Variants in OR56A3 observed in about 807,000 individuals in gnomAD.
OR56A3 encodes olfactory receptor 56A3.
In OR56A3, 23 loss-of-function variants were observed where a neutral mutation model predicts 17.5. The observed-to-expected ratio is 1.32, with a 90% confidence interval of 0.95 to 1.87. The LOEUF is 1.87. Ranked by LOEUF, OR56A3 falls within the 40% of genes most tolerant of loss-of-function variation. The probability of loss-of-function intolerance (pLI) is 0.00; values close to 1 mark genes in which losing one functional copy is unlikely to be tolerated. For synonymous variants in OR56A3, 175 were observed against 150.6 expected (o/e 1.16, Z -1.19); for missense variants, 366 against 380.1 (o/e 0.96, Z 0.31).
the OR56A3 span, among the ~76,000 whole-genome samples, chr11:5,960,693 G>A: frequency 2.0e-5 from 3 of 152,230 alleles, no homozygotes; most frequent in South Asian, 2.1e-4. Flanking sequence ...CGTCTAGGAA[G>A]TGAGGAGCGT....
chr11:5,974,109 CT>C, the OR56A3 span, among the ~76,000 whole-genome samples: 72 of 141,764 alleles, frequency 5.1e-4, no homozygotes, highest in Middle Eastern at 3.6e-3. Flanking sequence ...TTATTAAACT[CT>C]TTTTTTTTTT....
the OR56A3 span, chr11:6,002,235 A>G: frequency 6.2e-7 from 1 of 1,613,982 alleles, no homozygotes; most frequent in Non-Finnish European, 8.5e-7. Context: ...TGTGCTGAAG[A>G]AGAGGATGAG....
the OR56A3 span, among the ~76,000 whole-genome samples, chr11:5,993,595 T>C: frequency 6.6e-6 from 1 of 152,168 alleles, no homozygotes; most frequent in Admixed American, 6.5e-5. Context: ...AGATACAAAT[T>C]GGCCCTTCCA....
At chr11:5,987,851 T>C in the OR56A3 span, among the ~76,000 whole-genome samples, 1 of 152,188 alleles carries the variant, frequency 6.6e-6, no homozygotes, top group Admixed American at 6.5e-5. Context: ...GCCTTTGCCA[T>C]AAACACCTTC....
At chr11:6,010,207 C>A in the OR56A3 span, among the ~76,000 whole-genome samples, 2 of 152,108 alleles carry the variant, frequency 1.3e-5, no homozygotes, top group East Asian at 3.8e-4. Context: ...TTCCAAAATT[C>A]TGATATCTAA....
chr11:5,978,928 G>A, the OR56A3 span, among the ~76,000 whole-genome samples: 1 of 152,056 alleles, frequency 6.6e-6, no homozygotes, highest in African/African-American at 2.4e-5. Context: ...AACACGAAGG[G>A]ATGTTGAATG....
At chr11:5,999,201 C>T in the OR56A3 span, among the ~76,000 whole-genome samples, 1 of 152,096 alleles carries the variant, frequency 6.6e-6, no homozygotes, top group Non-Finnish European at 1.5e-5. Flanking sequence ...ACAAAAATAA[C>T]TAGAGGGAAA....
the OR56A3 span, among the ~76,000 whole-genome samples, chr11:5,981,553 C>T: frequency 6.6e-6 from 1 of 152,128 alleles, no homozygotes; most frequent in Non-Finnish European, 1.5e-5. Flanking sequence ...TGTCTTTCAG[C>T]TCTTCTATCA....
chr11:5,947,960 C>G lies in OR56A3; in HGVS notation c.614C>G (p.Ala205Gly). The G allele has an allele frequency of 1.2e-6, 2 of 1,614,148 alleles. No homozygotes were observed. Among genetic ancestry groups the G allele is most frequent in the Non-Finnish European group, 8.5e-7 (1 of 1,180,020 alleles). Residue 205 changes from alanine to glycine, a missense_variant, in exon 3 of 3, where the codon GCT becomes GGT. Coordinates refer to ENST00000641160, the MANE Select transcript of OR56A3 (RefSeq NM_001003443.3). ...DVTINHLYQF[A>G]GGWTLLGSDL... The stretch of plus-strand genomic sequence containing the variant: ...ACCATCAATCACCTTTACCAATTTG[C>G]TGGAGGCTGGACTCTGCTAGGATCT...
chr11:5,958,997 A>T, the OR56A3 span, among the ~76,000 whole-genome samples: 81 of 152,354 alleles, frequency 5.3e-4, no homozygotes, highest in Non-Finnish European at 1.0e-3. Context: ...TTCATTAAAT[A>T]TACATACCAC....
downstream of OR56A3, among the ~76,000 whole-genome samples, chr11:5,955,548 A>T (rs145650939): frequency 9.3e-3 from 1,410 of 152,244 alleles, 13 homozygotes; most frequent in Middle Eastern, 0.017. Context: ...GTACACTTGG[A>T]AGAGGGTCAA....
Position 5,947,616 on chromosome 11 carries a change from G to A in OR56A3, c.270G>A (p.Trp90Ter). The A allele has an allele frequency of 6.2e-7, 1 of 1,614,152 alleles. No individual in the cohort carries two copies. The highest frequency in any genetic ancestry group is 8.5e-7 in the Non-Finnish European group (1 of 1,180,032). Reference sequence around the variant, plus strand: ...TCCCCAAGGTCCTGACCATCTTCTGGTTTGACCTCAGGCCCATCAGCTTCC... The same window carrying A: ...TCCCCAAGGTCCTGACCATCTTCTGATTTGACCTCAGGCCCATCAGCTTCC... Reference protein sequence around the residue: ...TVIPKVLTIFWFDLRPISFPA... With the variant: ...TVIPKVLTIF Residue 90 changes from tryptophan (W) to a stop codon, truncating the protein, a stop_gained, in exon 3 of 3, where the codon TGG (tryptophan) becomes TGA (stop). Coordinates refer to ENST00000641160, the MANE Select transcript of OR56A3 (RefSeq NM_001003443.3). LOFTEE classifies it high-confidence loss of function.
chr11:5,980,457 A>G, the OR56A3 span, among the ~76,000 whole-genome samples: 1 of 152,064 alleles, frequency 6.6e-6, no homozygotes, highest in Non-Finnish European at 1.5e-5. Flanking sequence ...CTCATTGATC[A>G]CTGTTGGTTT....
the OR56A3 span, among the ~76,000 whole-genome samples, chr11:6,014,290 C>G: frequency 2.0e-5 from 3 of 152,276 alleles, no homozygotes; most frequent in South Asian, 6.2e-4. Context: ...AAATTGTAAT[C>G]CTTAATGTTG....
chr11:5,973,517 C>A, the OR56A3 span, among the ~76,000 whole-genome samples: 1 of 152,046 alleles, frequency 6.6e-6, no homozygotes, highest in African/African-American at 2.4e-5. Context: ...TATTTAGAAC[C>A]ACCTTTTTTC....
chr11:5,970,207 C>A, the OR56A3 span, among the ~76,000 whole-genome samples: 1 of 151,952 alleles, frequency 6.6e-6, no homozygotes, highest in African/African-American at 2.4e-5. Flanking sequence ...ACATATAGTT[C>A]AAACCATAGG....
the OR56A3 span, among the ~76,000 whole-genome samples, chr11:6,015,427 C>G: frequency 1.3e-5 from 2 of 152,212 alleles, no homozygotes; most frequent in Non-Finnish European, 2.9e-5. Flanking sequence ...TGGAGCCTCG[C>G]ACAGTTCCCA....
chr11:5,986,423 C>T, the OR56A3 span: 2 of 1,613,924 alleles, frequency 1.2e-6, no homozygotes, highest in Non-Finnish European at 1.7e-6. Flanking sequence ...AGTAGTAATC[C>T]CCTCACCAGC....
chr11:5,981,476 A>G, the OR56A3 span, among the ~76,000 whole-genome samples: 1 of 152,224 alleles, frequency 6.6e-6, no homozygotes, highest in Non-Finnish European at 1.5e-5. Context: ...TAATTGTACT[A>G]CAAAATTCCT....
Sources: gnomAD v4.1 joint callset for allele counts (sites outside exome capture counted in the v4.1 genomes callset) on GRCh38, gnomAD v4.1.1 for gene constraint, MANE v1.5 for transcripts, NCBI Gene and HGNC (gene_info 2026-07-23, HGNC 2026-07-21) for gene names.